HECW1: variants seen among roughly 807,000 people sequenced by gnomAD.
HECW1 encodes the protein E3 ubiquitin-protein ligase HECW1.
HECW1 carries 61 observed loss-of-function variants against 182.3 expected under a neutral mutation model. The ratio of observed to expected loss-of-function variants is 0.33; its 90% confidence interval spans 0.27 to 0.41. HECW1 has a LOEUF of 0.41. Ranked by LOEUF, HECW1 falls within the 10% of genes least tolerant of loss-of-function variation. The pLI is 1.00. For missense variants in HECW1, 1,739 were observed against 2,108.9 expected (o/e 0.82, Z 3.44); for synonymous variants, 859 against 832.6 (o/e 1.03, Z -0.55).
chr7:43,415,163 G>T (rs201188734), intron 8 of HECW1, among the ~76,000 whole-genome samples: 8 of 149,476 alleles, frequency 5.4e-5, no homozygotes, highest in African/African-American at 2.0e-4. Context: ...GCAGCGGCTG[G>T]TACCGGTTGT....
intron 2 of HECW1, among the ~76,000 whole-genome samples, chr7:43,184,348 G>A (rs1303355534): frequency 1.3e-5 from 2 of 152,170 alleles, no homozygotes; most frequent in African/African-American, 4.8e-5. Context: ...CCAATTTCAA[G>A]CTATCAGTGT....
chr7:43,401,059 C>T (rs1209871178), intron 7 of HECW1, among the ~76,000 whole-genome samples: 1 of 152,202 alleles, frequency 6.6e-6, no homozygotes, highest in African/African-American at 2.4e-5. Context: ...ATAAATCTCT[C>T]TACTGCAAGA....
chr7:43,457,636 G>A (rs963434618), intron 13 of HECW1, among the ~76,000 whole-genome samples: 17 of 152,088 alleles, frequency 1.1e-4, no homozygotes, highest in South Asian at 2.1e-4. Context: ...TTAGCCAAGC[G>A]TGGTGGCAGG....
rs2082296484 is a variant in HECW1, at chr7:43,564,996, T to TC, written c.*3070_*3071insC. On this transcript the variant is annotated 3_prime_UTR_variant, in exon 30 of 30. Coordinates refer to ENST00000395891, the MANE Select transcript of HECW1 (RefSeq NM_015052.5). ...TTGATTTTAGTAAGAGTGTAACGCC[T>TC]TTAATCAGGGGACAAACAAGAACAA... The TC allele has an allele frequency of 5.3e-6, 1 of 186,986 alleles. No individual in the cohort carries two copies. The highest frequency in any genetic ancestry group is 2.3e-5 in the African/African-American group (1 of 42,722). 11.6% of individuals were successfully genotyped at this position (186,986 alleles called of 1,614,324 possible).
intron 17 of HECW1, among the ~76,000 whole-genome samples, chr7:43,487,658 C>A (rs943750155): frequency 6.6e-6 from 1 of 152,154 alleles, no homozygotes; most frequent in South Asian, 2.1e-4. Context: ...CATTTTCTGA[C>A]CTTAGGAAAA....
At chr7:43,369,238 C>T (rs777240010) in intron 6 of HECW1, among the ~76,000 whole-genome samples, 1 of 152,154 alleles carries the variant, frequency 6.6e-6, no homozygotes, top group Non-Finnish European at 1.5e-5. Flanking sequence ...GCAGGCAGAT[C>T]ACCTGAGGTC....
chr7:43,185,155 G>C (rs776798077), intron 2 of HECW1, among the ~76,000 whole-genome samples: 2 of 152,028 alleles, frequency 1.3e-5, no homozygotes, highest in Admixed American at 6.6e-5. Flanking sequence ...AGGGATGGTG[G>C]GGGGGAAGGG....
intron 3 of HECW1, among the ~76,000 whole-genome samples, chr7:43,286,573 G>A (rs1584332228): frequency 1.3e-5 from 2 of 152,246 alleles, no homozygotes; most frequent in East Asian, 3.9e-4. Flanking sequence ...TCTCAAAAAT[G>A]GCAGCTATTA....
chr7:43,160,955 A>G (rs551850819), intron 2 of HECW1, among the ~76,000 whole-genome samples: 2 of 152,120 alleles, frequency 1.3e-5, no homozygotes, highest in East Asian at 1.9e-4. Context: ...TTTAAATTTT[A>G]TAACATCTCT....
chr7:43,464,132 A>G lies in HECW1; in HGVS notation c.2791+333A>G, dbSNP rs937681687. Among the ~76,000 whole-genome samples, 21 of 152,260 alleles carry G rather than the reference A, an allele frequency of 1.4e-4. 1 individual carries two copies. The highest frequency in any genetic ancestry group is 2.5e-4 in the Non-Finnish European group (17 of 68,044). ...GCAAGGCAACTTTGTCAGTGGCTCA[A>G]TCATTTATTGTTAAGTAAATGTTTT... On this transcript the variant is annotated intron_variant, in intron 14 of 29. Transcript: ENST00000395891.
intron 3 of HECW1, among the ~76,000 whole-genome samples, chr7:43,272,539 A>G (rs1180951985): frequency 6.6e-6 from 1 of 152,208 alleles, no homozygotes; most frequent in East Asian, 1.9e-4. Context: ...TTCTCAAAAG[A>G]AGACATATAA....
chr7:43,450,905 A>G lies in HECW1; in HGVS notation c.2476A>G (p.Thr826Ala), dbSNP rs777136612. 2.1e-5 allele frequency: 34 copies of G among 1,611,842 alleles called. No homozygotes were observed. Among genetic ancestry groups the G allele is most frequent in the Middle Eastern group, 3.3e-4 (2 of 6,060 alleles). The change falls in exon 12 of 30, where the codon ACA becomes GCA. Residue 826 changes from threonine (T) to alanine (A), a missense_variant. By Grantham distance (58) the Thr-to-Ala change is moderately conservative. This residue lies in a region of HECW1 where 971 missense variants were observed against 1,029.1 expected (regional missense o/e 0.94). Coordinates refer to ENST00000395891, the MANE Select transcript of HECW1 (RefSeq NM_015052.5). ...GAGGCCTGAACATCATCACTACCCAACAATCGATGAGCCTCTTCCACCAAG... is the reference window on the plus strand; with the variant it reads ...GAGGCCTGAACATCATCACTACCCAGCAATCGATGAGCCTCTTCCACCAAG... ...SLRPEHHHYP[T>A]IDEPLPPNWE...
At chr7:43,542,545 A>C (rs2081403074) in intron 26 of HECW1, among the ~76,000 whole-genome samples, 2 of 151,588 alleles carry the variant, frequency 1.3e-5, no homozygotes, top group Admixed American at 1.3e-4. Flanking sequence ...ACAAATATAT[A>C]TACATATATG....
chr7:43,442,940 G>A (rs1377277179), intron 10 of HECW1, among the ~76,000 whole-genome samples: 1 of 152,194 alleles, frequency 6.6e-6, no homozygotes, highest in Non-Finnish European at 1.5e-5. Flanking sequence ...CCACATAGGT[G>A]TTTAATCATC....
chr7:43,546,254 A>C (rs1487213084), intron 26 of HECW1, among the ~76,000 whole-genome samples: 1 of 125,826 alleles, frequency 7.9e-6, no homozygotes, highest in Non-Finnish European at 1.6e-5. Flanking sequence ...CCATATCCAC[A>C]GTCTCTTTCA....
chr7:43,375,645 C>G (rs2074291760), intron 6 of HECW1, among the ~76,000 whole-genome samples: 1 of 152,012 alleles, frequency 6.6e-6, no homozygotes, highest in Admixed American at 6.6e-5. Context: ...ATAATCCCAG[C>G]AGTTTGGGAG....
intron 7 of HECW1, among the ~76,000 whole-genome samples, chr7:43,404,775 A>C (rs931892424): frequency 5.3e-5 from 8 of 152,088 alleles, no homozygotes; most frequent in African/African-American, 1.9e-4. Context: ...CAAGAGTTTA[A>C]GACCAGCTGG....
chr7:43,269,280 G>A (rs905036168), intron 3 of HECW1, among the ~76,000 whole-genome samples: 2 of 152,232 alleles, frequency 1.3e-5, no homozygotes, highest in Admixed American at 1.3e-4. Context: ...CAGCTGGCAT[G>A]TGCCATGCTC....
At chr7:43,451,042 T>A in intron 12 of HECW1, 113 bp downstream of exon 12, 2 of 737,632 alleles carry the variant, frequency 2.7e-6, no homozygotes, top group Admixed American at 2.3e-5. Flanking sequence ...TGCCTTACAG[T>A]GTTAACAAAG....
Sources: gnomAD v4.1 joint callset for allele counts (sites outside exome capture counted in the v4.1 genomes callset) on GRCh38, gnomAD v4.1.1 for gene constraint, gnomAD v4.1.1 regional missense constraint, MANE v1.5 for transcripts, NCBI Gene and HGNC (gene_info 2026-07-23, HGNC 2026-07-21) for gene names.